Variants in GRIP1 observed in about 807,000 individuals in gnomAD.
The protein encoded by GRIP1 is glutamate receptor interacting protein 1, also known as glutamate receptor-interacting protein 1.
A neutral mutation model predicts 129.9 loss-of-function variants in GRIP1; 45 were observed. The ratio of observed to expected loss-of-function variants is 0.35; its 90% CI spans 0.27 to 0.44. GRIP1 has a LOEUF of 0.44. Ranked by LOEUF, GRIP1 falls within the 20% of genes least tolerant of loss-of-function variation. GRIP1 has a pLI of 1.00. For missense variants in GRIP1, 1,196 were observed against 1,396.8 expected, an observed-to-expected ratio of 0.86 and a Z score of 2.29; for synonymous variants, 530 against 520.8, an observed-to-expected ratio of 1.02 and a Z score of -0.24.
intron 2 of GRIP1, among the ~76,000 whole-genome samples, chr12:66,587,201 G>A (rs1388626500): frequency 6.6e-6 from 1 of 152,134 alleles, no homozygotes; most frequent in Non-Finnish European, 1.5e-5. Context: ...AGGTTTTTCT[G>A]CCTTCAGGGA....
intron 7 of GRIP1, 89 bp from the exon 8 acceptor site, chr12:66,465,511 G>A (rs1734534700): frequency 9.0e-7 from 1 of 1,112,566 alleles, no homozygotes; most frequent in African/African-American, 1.6e-5. Flanking sequence ...TCAGTTTGGT[G>A]TTAGCCTGTT....
At chr12:66,582,850 C>G (rs1429966965) in intron 2 of GRIP1, among the ~76,000 whole-genome samples, 1 of 144,536 alleles carries the variant, frequency 6.9e-6, no homozygotes, top group Non-Finnish European at 1.5e-5. Context: ...TTTATAGATT[C>G]AATGCCATCC....
chr12:66,369,508 G>C (rs2055360372), intron 23 of GRIP1, among the ~76,000 whole-genome samples: 1 of 152,014 alleles, frequency 6.6e-6, no homozygotes, highest in Non-Finnish European at 1.5e-5. Context: ...TTCTTCCTTG[G>C]AGGTAACTGT....
chr12:66,460,266 T>C (rs2059096502), intron 9 of GRIP1, among the ~76,000 whole-genome samples: 1 of 152,202 alleles, frequency 6.6e-6, no homozygotes, highest in African/African-American at 2.4e-5. Flanking sequence ...AATATTATGG[T>C]TCTTGTATCA....
chr12:66,985,642 A>T (rs1315257770), intron 1 of GRIP1, among the ~76,000 whole-genome samples: 1 of 152,152 alleles, frequency 6.6e-6, no homozygotes, highest in Non-Finnish European at 1.5e-5. Flanking sequence ...ATCATTAAAG[A>T]TTAAATTTTT....
chr12:66,552,388 A>G (rs1289826706), intron 2 of GRIP1, among the ~76,000 whole-genome samples: 1 of 152,138 alleles, frequency 6.6e-6, no homozygotes, highest in Non-Finnish European at 1.5e-5. Context: ...ACTTTTAAAG[A>G]CTATCCATTC....
intron 1 of GRIP1, among the ~76,000 whole-genome samples, chr12:66,856,231 T>C (rs1167557451): frequency 6.6e-6 from 1 of 152,124 alleles, no homozygotes; most frequent in African/African-American, 2.4e-5. Context: ...TCAAGATGGA[T>C]TAAAGACTTA....
intron 1 of GRIP1, among the ~76,000 whole-genome samples, chr12:66,662,629 G>T (rs141296705): frequency 1.3e-5 from 2 of 151,954 alleles, no homozygotes; most frequent in East Asian, 3.9e-4. Context: ...CCTAGGATTT[G>T]GTAAGAACTA....
At chr12:66,783,221 C>G (rs2038215021) in intron 1 of GRIP1, among the ~76,000 whole-genome samples, 1 of 152,086 alleles carries the variant, frequency 6.6e-6, no homozygotes, top group Non-Finnish European at 1.5e-5. Context: ...TTAGTAGAGA[C>G]ATGTGTTTTG....
chr12:66,655,846 G>A (rs1439292647), intron 1 of GRIP1, among the ~76,000 whole-genome samples: 1 of 151,960 alleles, frequency 6.6e-6, no homozygotes, highest in Non-Finnish European at 1.5e-5. Flanking sequence ...TGATCTGCCC[G>A]TCTTGGCCTC....
intron 1 of GRIP1, among the ~76,000 whole-genome samples, chr12:66,636,751 G>GCAC (rs2031430422): frequency 7.4e-6 from 1 of 135,866 alleles, no homozygotes; most frequent in Non-Finnish European, 1.7e-5. Flanking sequence ...GTGTGTGTGT[G>GCAC]TGTCTCACTC....
At chr12:66,823,216 T>G (rs926231477) in intron 1 of GRIP1, among the ~76,000 whole-genome samples, 2 of 152,290 alleles carry the variant, frequency 1.3e-5, no homozygotes, top group East Asian at 3.9e-4. Flanking sequence ...TCTGATTACA[T>G]AATCCTCAGA....
intron 1 of GRIP1, among the ~76,000 whole-genome samples, chr12:66,794,124 T>C (rs1257205691): frequency 1.3e-5 from 2 of 152,226 alleles, no homozygotes; most frequent in African/African-American, 2.4e-5. Flanking sequence ...TGTGTTTTCC[T>C]GTGCTACACA....
chr12:66,369,454 G>A (rs2137267947), intron 23 of GRIP1, among the ~76,000 whole-genome samples: 1 of 151,442 alleles, frequency 6.6e-6, no homozygotes, highest in African/African-American at 2.4e-5. Context: ...AGTGAAGGAG[G>A]GATGAGAAAA....
chr12:66,497,667 T>G (rs562294614), intron 7 of GRIP1, among the ~76,000 whole-genome samples: 2 of 152,218 alleles, frequency 1.3e-5, no homozygotes, highest in African/African-American at 4.8e-5. Context: ...GTGACTACAG[T>G]TCCTTGGGAG....
chr12:66,505,837 A>C (rs1398548729), intron 7 of GRIP1, among the ~76,000 whole-genome samples: 1 of 152,234 alleles, frequency 6.6e-6, no homozygotes, highest in Admixed American at 6.5e-5. Context: ...ATATAAGGAA[A>C]TCATATAAAC....
intron 1 of GRIP1, among the ~76,000 whole-genome samples, chr12:66,691,771 CTCTCT>C (rs1444128110): frequency 6.6e-6 from 1 of 152,106 alleles, no homozygotes; most frequent in Non-Finnish European, 1.5e-5. Context: ...CATAGATTCT[CTCTCT>C]TAACTTGTTT....
chr12:66,637,617 A>C (rs2031527002), intron 1 of GRIP1, among the ~76,000 whole-genome samples: 2 of 152,054 alleles, frequency 1.3e-5, no homozygotes, highest in African/African-American at 4.8e-5. Context: ...AAAGTAATTA[A>C]GCTCGACTTA....
rs181276441 is a variant in GRIP1, at chr12:66,388,225, T to C, written c.2464+4083A>G. 3.2e-3 allele frequency among the ~76,000 whole-genome samples: 480 copies of C among 152,146 alleles called. 5 individuals are homozygous for C. The highest frequency in any genetic ancestry group is 0.01 in the African/African-American group (419 of 41,548). On this transcript the variant is annotated intron_variant, in intron 19 of 24. Coordinates refer to ENST00000359742, the MANE Select transcript of GRIP1 (RefSeq NM_001366722.1). The stretch of plus-strand genomic sequence containing the variant: ...CACAAATATACCAATTAAGGAACAA[T>C]ATTATGGATATAATTATAGAAACTG...
Sources: allele counts gnomAD v4.1 joint callset (sites outside exome capture counted in the v4.1 genomes callset), GRCh38; gene constraint gnomAD v4.1.1; transcripts MANE v1.5; gene names NCBI Gene and HGNC (gene_info 2026-07-23, HGNC 2026-07-21).